Variants in CHL1 observed in about 807,000 individuals in gnomAD.
The protein encoded by CHL1 is neural cell adhesion molecule L1-like protein.
A neutral mutation model predicts 141.9 loss-of-function variants in CHL1; 96 were observed. The observed-to-expected ratio is 0.68, with a 90% confidence interval of 0.57 to 0.80. CHL1 has a LOEUF of 0.80. Ranked by LOEUF, CHL1 falls within the 30% of genes least tolerant of loss-of-function variation. The pLI is 0.00. For missense variants in CHL1, 1,820 were observed against 1,457.2 expected (o/e 1.25, Z -4.05); for synonymous variants, 613 against 502.2 (o/e 1.22, Z -2.95).
In CHL1 at chr3:382,263, A is replaced by T; in HGVS notation, c.1961A>T (p.His654Leu). The T allele has an allele frequency of 1.2e-6, 2 of 1,613,648 alleles. No homozygotes were observed. The highest frequency in any genetic ancestry group is 2.2e-5 in the South Asian group (2 of 91,070). ...VRLTWEAGAD[H>L]NSNISEYIVE... ...CTGACCTGGGAAGCTGGAGCTGACCACAACAGCAATATTAGCGGTAGGAAG... is the reference window on the plus strand; with the variant it reads ...CTGACCTGGGAAGCTGGAGCTGACCTCAACAGCAATATTAGCGGTAGGAAG... The change falls in exon 17 of 28, where the codon CAC becomes CTC. Residue 654 changes from histidine to leucine, a missense_variant. Physicochemically the swap from His to Leu is moderately conservative, Grantham distance 99. Transcript: ENST00000256509.
chr3:315,952 G>C (rs146827938), intron 2 of CHL1, among the ~76,000 whole-genome samples: 1 of 151,978 alleles, frequency 6.6e-6, no homozygotes, highest in African/African-American at 2.4e-5. Context: ...GGCCTGCTGC[G>C]GATGCACTAT....
chr3:266,066 G>A lies in CHL1; in HGVS notation c.-95+21374G>A, dbSNP rs1355396227. On this transcript the variant is annotated intron_variant, in intron 2 of 27. Transcript: ENST00000256509. ...TCAGAAGATTTGTAAAATATGGTGA[G>A]GTTAGTAGCATGGCCAATTTTGTTG... Among the ~76,000 whole-genome samples the A allele has an allele frequency of 2.0e-5, 3 of 152,212 alleles. No homozygotes were observed. In the East Asian group the frequency reaches 5.8e-4, roughly 29 times the overall value.
chr3:260,862 T>C (rs1271468467), intron 2 of CHL1, among the ~76,000 whole-genome samples: 2 of 152,194 alleles, frequency 1.3e-5, no homozygotes, highest in Non-Finnish European at 2.9e-5. Flanking sequence ...ATGAGATTAT[T>C]TTTTCTCAGA....
In CHL1 at chr3:360,359, T is replaced by C. The variant is rs199822757; in HGVS notation, c.1241T>C (p.Val414Ala). 1,585 of 1,613,580 alleles carry C rather than the reference T, an allele frequency of 9.8e-4. 29 individuals carry two copies. In the South Asian group the frequency reaches 0.017, roughly 17 times the overall value. The change falls in exon 12 of 28, where the codon GTG becomes GCG. Residue 414 changes from valine to alanine, a missense_variant. Physicochemically the swap from Val to Ala is moderately conservative, Grantham distance 64. Transcript: ENST00000256509. ...FTNLQPNHTA[V>A]YQCEASNVHG... The stretch of plus-strand genomic sequence containing the variant: ...AACCTTCAACCAAATCATACTGCTG[T>C]GTACCAGTGTGAAGCCTCAAATGTC...
intron 2 of CHL1, among the ~76,000 whole-genome samples, chr3:316,122 T>A (rs1410272023): frequency 2.6e-5 from 4 of 152,008 alleles, no homozygotes; most frequent in Non-Finnish European, 5.9e-5. Context: ...ACCGGTGCCA[T>A]CTTGTCTGCT....
chr3:317,393 C>T (rs186842607), intron 2 of CHL1, among the ~76,000 whole-genome samples: 1 of 151,878 alleles, frequency 6.6e-6, no homozygotes, highest in Non-Finnish European at 1.5e-5. Context: ...ATTTGGCTAT[C>T]TAGTTATTCT....
intron 1 of CHL1, among the ~76,000 whole-genome samples, chr3:200,473 G>T (rs1197421831): frequency 6.6e-6 from 1 of 152,142 alleles, no homozygotes; most frequent in Non-Finnish European, 1.5e-5. Context: ...TTCAAACCAA[G>T]ATTGAGAATA....
At chr3:374,572 G>A (rs1473360182) in intron 15 of CHL1, among the ~76,000 whole-genome samples, 1 of 152,178 alleles carries the variant, frequency 6.6e-6, no homozygotes, top group Admixed American at 6.5e-5. Context: ...GGATCCCAGA[G>A]CTGACACTGA....
At chr3:343,658 C>G (rs1164754555) in intron 8 of CHL1, among the ~76,000 whole-genome samples, 2 of 152,156 alleles carry the variant, frequency 1.3e-5, no homozygotes, top group Non-Finnish European at 2.9e-5. Context: ...ATAATTGCAG[C>G]AAATATTCTC....
At chr3:306,573 T>C (rs1165840364) in intron 2 of CHL1, among the ~76,000 whole-genome samples, 2 of 152,194 alleles carry the variant, frequency 1.3e-5, no homozygotes, top group Admixed American at 1.3e-4. Context: ...CTACAGATTT[T>C]AGAGGAAAAT....
intron 2 of CHL1, among the ~76,000 whole-genome samples, chr3:264,143 A>G (rs1251084415): frequency 6.6e-6 from 1 of 152,192 alleles, no homozygotes; most frequent in African/African-American, 2.4e-5. Context: ...GAGTTGAAGG[A>G]GTCTTTTTAT....
At position 371,034 on chromosome 3, in the gene CHL1, G is replaced by T. The variant is rs190300760; in HGVS notation, c.1751+4919G>T. ...TGTTTTACTTCAAATTATGTGGTGG[G>T]TTTTAGAATAAGGGTGATGTGGTGC... On this transcript the variant is annotated intron_variant, in intron 15 of 27. Coordinates refer to ENST00000256509, the MANE Select transcript of CHL1 (RefSeq NM_006614.4). 1.7e-3 allele frequency among the ~76,000 whole-genome samples: 261 copies of T among 152,144 alleles called. 2 individuals are homozygous for T. The highest frequency in any genetic ancestry group is 6.2e-3 in the African/African-American group (257 of 41,532).
intron 2 of CHL1, among the ~76,000 whole-genome samples, chr3:251,631 A>T (rs1047116571): frequency 5.9e-5 from 9 of 152,168 alleles, no homozygotes; most frequent in African/African-American, 2.2e-4. Flanking sequence ...ATGATTTTGC[A>T]AGCAAATGTA....
In CHL1 at chr3:382,688, A is replaced by G. The variant is rs138696668; in HGVS notation, c.2176+17A>G. The stretch of plus-strand genomic sequence containing the variant: ...CACCAGCAGGTATGCAGGTTCTCAC[A>G]TCAGGTTTCTAACAAAATATTTGTT... On this transcript the variant is annotated intron_variant, in intron 18 of 27. Coordinates refer to ENST00000256509, the MANE Select transcript of CHL1 (RefSeq NM_006614.4). 5,832 of 1,606,476 alleles carry G rather than the reference A, an allele frequency of 3.6e-3. 18 individuals are homozygous for G. The highest frequency in any genetic ancestry group is 9.0e-3 in the Middle Eastern group (54 of 6,032).
chr3:314,610 C>T (rs180921463), intron 2 of CHL1, among the ~76,000 whole-genome samples: 4 of 151,812 alleles, frequency 2.6e-5, no homozygotes, highest in African/African-American at 4.8e-5. Flanking sequence ...GCAGTCTCAT[C>T]TAGGATGGCT....
intron 5 of CHL1, among the ~76,000 whole-genome samples, chr3:328,967 C>T (rs1701227744): frequency 6.6e-6 from 1 of 152,062 alleles, no homozygotes; most frequent in Non-Finnish European, 1.5e-5. Flanking sequence ...TAGTATGATG[C>T]TCATTAGGAA....
At chr3:253,371 A>T (rs1693881038) in intron 2 of CHL1, among the ~76,000 whole-genome samples, 1 of 152,184 alleles carries the variant, frequency 6.6e-6, no homozygotes, top group Non-Finnish European at 1.5e-5. Flanking sequence ...GAAGTAACAG[A>T]GCTGGTATCA....
Position 361,785 on chromosome 3 carries a change from G to T in CHL1, c.1393G>T (p.Ala465Ser). ...TGCTTTCTTACATTGCGAGTTCTTT[G>T]CTTCACCTGAGGCAGTCGTGTCCTG... is the stretch of plus-strand genomic sequence containing the variant. ...YSAFLHCEFF[A>S]SPEAVVSWQK... Residue 465 changes from alanine (A) to serine (S), a missense_variant, in exon 13 of 28, where the codon GCT becomes TCT. Ala to Ser is a moderately conservative substitution (Grantham distance 99). Coordinates refer to ENST00000256509, the MANE Select transcript of CHL1 (RefSeq NM_006614.4). 1 of 1,613,132 alleles carries T rather than the reference G, an allele frequency of 6.2e-7. No individual in the cohort carries two copies. Among genetic ancestry groups the T allele is most frequent in the Non-Finnish European group, 8.5e-7 (1 of 1,179,166 alleles).
intron 3 of CHL1, among the ~76,000 whole-genome samples, chr3:322,506 G>A (rs1425197456): frequency 6.6e-6 from 1 of 150,940 alleles, no homozygotes; most frequent in Non-Finnish European, 1.5e-5. Flanking sequence ...CATTTGCTCT[G>A]ATGATACAAA....
Sources: gnomAD v4.1 joint callset for allele counts (sites outside exome capture counted in the v4.1 genomes callset) on GRCh38, gnomAD v4.1.1 for gene constraint, MANE v1.5 for transcripts, NCBI Gene and HGNC (gene_info 2026-07-23, HGNC 2026-07-21) for gene names.